PPIL6: variants seen among roughly 807,000 people sequenced by gnomAD.
PPIL6 encodes probable inactive peptidyl-prolyl cis-trans isomerase-like 6.
In PPIL6, 39 loss-of-function variants were observed where a neutral mutation model predicts 36.8. The ratio of observed to expected loss-of-function variants is 1.06; its 90% CI spans 0.82 to 1.38. The LOEUF (loss-of-function observed/expected upper bound fraction) is 1.38. PPIL6 is among the 40% of genes most tolerant of loss of function. The pLI is 0.00. For missense variants in PPIL6, 368 were observed against 379.1 expected (o/e 0.97, Z 0.24); for synonymous variants, 123 against 134.1 (o/e 0.92, Z 0.57).
Position 109,392,602 on chromosome 6 carries a change from ACCCGTGGCTG to A in PPIL6, c.*214_*223del. On this transcript the variant is annotated 3_prime_UTR_variant, in exon 8 of 8. Transcript: ENST00000521072. Reference sequence around the variant, plus strand: ...CTGGCCAGAACCATCTCTCATGGCCACCCGTGGCTGCAAAGGAGTCTAGGAAATTGAGTAC... The same window carrying A: ...CTGGCCAGAACCATCTCTCATGGCCACAAAGGAGTCTAGGAAATTGAGTAC... The A allele has an allele frequency of 6.6e-6, 3 of 456,606 alleles. No individual in the cohort carries two copies. Among genetic ancestry groups the A allele is most frequent in the Non-Finnish European group, 1.2e-5 (3 of 259,550 alleles). 28.3% of individuals were successfully genotyped at this position (456,606 alleles called of 1,614,324 possible).
At chr6:109,405,615 A>G (rs974003184) in intron 6 of PPIL6, among the ~76,000 whole-genome samples, 1 of 152,194 alleles carries the variant, frequency 6.6e-6, no homozygotes, top group African/African-American at 2.4e-5. Context: ...AGCCTTGTAC[A>G]TTATGGATTT....
rs748929282 is a variant in PPIL6, at chr6:109,436,142, C to T, written c.193G>A (p.Glu65Lys). Residue 65 changes from glutamate to lysine, a missense_variant, in exon 2 of 8, where the codon GAA (glutamate) becomes AAA (lysine). Transcript: ENST00000521072. Reference protein sequence around the residue: ...FEDPILVPLQEFAWHQYLQEK... With the variant: ...FEDPILVPLQKFAWHQYLQEK... ...TGTAGATATTGATGCCATGCAAATT[C>T]TTGAAGAGGAACTAATATAGGATCT... 1 of 1,590,354 alleles carries T rather than the reference C, an allele frequency of 6.3e-7. No individual in the cohort carries two copies. The highest frequency in any genetic ancestry group is 8.6e-7 in the Non-Finnish European group (1 of 1,158,968).
chr6:109,437,017 C>A (rs1216488997), intron 1 of PPIL6, among the ~76,000 whole-genome samples: 1 of 152,152 alleles, frequency 6.6e-6, no homozygotes, highest in Non-Finnish European at 1.5e-5. Flanking sequence ...AAGATAATAA[C>A]GTTGTGGTTA....
At chr6:109,423,047 A>C (rs1455663640) in intron 5 of PPIL6, among the ~76,000 whole-genome samples, 3 of 152,114 alleles carry the variant, frequency 2.0e-5, no homozygotes, top group African/African-American at 7.2e-5. Context: ...TGAGGTAAGA[A>C]TTTGGTATGT....
intron 1 of PPIL6, chr6:109,440,057 T>C (rs1036250030): frequency 2.7e-5 from 7 of 261,214 alleles, no homozygotes; most frequent in Admixed American, 5.8e-5. Context: ...GGTGGCGGGG[T>C]TGTAAAAATT....
chr6:109,415,959 G>A (rs1291696391), intron 6 of PPIL6, among the ~76,000 whole-genome samples: 1 of 152,088 alleles, frequency 6.6e-6, no homozygotes, highest in Non-Finnish European at 1.5e-5. Context: ...TACTGGCAAG[G>A]TACTTCCTAA....
intron 6 of PPIL6, among the ~76,000 whole-genome samples, chr6:109,406,724 A>AT (rs779829534): frequency 6.6e-6 from 1 of 152,196 alleles, no homozygotes; most frequent in Non-Finnish European, 1.5e-5. Flanking sequence ...ACTTTTCATG[A>AT]TAAATTCATT....
rs549931614 is a variant in PPIL6 at position 109,398,169 on chromosome 6, C to T, written c.824+1866G>A. The stretch of plus-strand genomic sequence containing the variant: ...CCTCCCAAAGTGCTGGGATTACAGG[C>T]GTGAGCCACCGCGTCCAGCCTTAAA... On this transcript the variant is annotated intron_variant, in intron 7 of 7. Transcript: ENST00000521072. Among the ~76,000 whole-genome samples, 167 of 152,274 alleles carry T rather than the reference C, an allele frequency of 1.1e-3. 1 individual carries two copies. Among genetic ancestry groups the T allele is most frequent in the African/African-American group, 3.9e-3 (163 of 41,550 alleles).
chr6:109,440,500 G>C lies in PPIL6; in HGVS notation c.91C>G (p.Leu31Val). 6.5e-7 allele frequency: 1 copy of C among 1,534,970 alleles called. No individual in the cohort carries two copies. The highest frequency in any genetic ancestry group is 8.8e-7 in the Non-Finnish European group (1 of 1,140,946). Reference sequence around the variant, plus strand: ...ATCTGAAAGTTGGGGCAGCTGAAGAGCCCCACCACCTTCACCTGCAGCGGC... The same window carrying C: ...ATCTGAAAGTTGGGGCAGCTGAAGACCCCCACCACCTTCACCTGCAGCGGC... Reference protein sequence around the residue: ...ERPLQVKVVGLFSCPNFQIAK... With the variant: ...ERPLQVKVVGVFSCPNFQIAK... The change falls in exon 1 of 8, where the codon CTC becomes GTC. Residue 31 changes from leucine (L) to valine (V), a missense_variant. Leu to Val is a conservative substitution (Grantham distance 32, BLOSUM62 1). Coordinates refer to ENST00000521072, the MANE Select transcript of PPIL6 (RefSeq NM_173672.5).
At chr6:109,434,467 G>A (rs1774339457) in intron 2 of PPIL6, among the ~76,000 whole-genome samples, 1 of 152,112 alleles carries the variant, frequency 6.6e-6, no homozygotes, top group South Asian at 2.1e-4. Flanking sequence ...AATACTGTCT[G>A]TCATATAATA....
intron 6 of PPIL6, chr6:109,403,182 C>T (rs910763422): frequency 1.7e-4 from 185 of 1,118,392 alleles, no homozygotes; most frequent in Non-Finnish European, 2.2e-4. Flanking sequence ...GCTAGTTGTT[C>T]AGACTAGTCT....
At chr6:109,425,537 T>C (rs1773768193) in intron 5 of PPIL6, among the ~76,000 whole-genome samples, 3 of 151,908 alleles carry the variant, frequency 2.0e-5, no homozygotes, top group African/African-American at 7.3e-5. Context: ...TCACCTGAGG[T>C]CAGGAGTTCA....
chr6:109,425,749 C>CAAAAAAAAAAAAAAAAAAAAAAAA (rs34275471), intron 5 of PPIL6, among the ~76,000 whole-genome samples: 1 of 103,702 alleles, frequency 9.6e-6, no homozygotes, highest in Non-Finnish European at 2.0e-5. Context: ...GACTCCGTTT[C>CAAAAAAAAAAAAAAAAAAAAAAAA]AAAAAAAAAA....
chr6:109,415,357 G>T (rs1299119800), intron 6 of PPIL6, among the ~76,000 whole-genome samples: 2 of 152,136 alleles, frequency 1.3e-5, no homozygotes, highest in Non-Finnish European at 2.9e-5. Context: ...AGATTGTCTA[G>T]TGTCAGTTTG....
intron 2 of PPIL6, among the ~76,000 whole-genome samples, chr6:109,431,595 GA>G (rs1249619490): frequency 2.0e-5 from 3 of 151,960 alleles, no homozygotes; most frequent in African/African-American, 7.3e-5. Flanking sequence ...TGTTACAAAT[GA>G]AAAAAAATTT....
At chr6:109,433,336 C>T (rs1242156325) in intron 2 of PPIL6, among the ~76,000 whole-genome samples, 1 of 152,144 alleles carries the variant, frequency 6.6e-6, no homozygotes. Context: ...GGATTACAGG[C>T]GTGAGCCACC....
chr6:109,433,641 C>T (rs992120392), intron 2 of PPIL6, among the ~76,000 whole-genome samples: 7 of 152,168 alleles, frequency 4.6e-5, no homozygotes, highest in African/African-American at 1.4e-4. Context: ...TAGGGTGGCA[C>T]TTCATTCTGC....
At chr6:109,394,534 A>T (rs1378099260) in intron 7 of PPIL6, among the ~76,000 whole-genome samples, 2 of 152,158 alleles carry the variant, frequency 1.3e-5, no homozygotes, top group Non-Finnish European at 2.9e-5. Flanking sequence ...GCCCTCTGTC[A>T]GTGCTTGGGC....
At chr6:109,419,497 C>T (rs1773434268) in intron 5 of PPIL6, among the ~76,000 whole-genome samples, 2 of 151,640 alleles carry the variant, frequency 1.3e-5, no homozygotes, top group Non-Finnish European at 2.9e-5. Flanking sequence ...CCGAGGCAGG[C>T]AGATCACCTG....
Sources: allele counts gnomAD v4.1 joint callset (sites outside exome capture counted in the v4.1 genomes callset), GRCh38; gene constraint gnomAD v4.1.1; transcripts MANE v1.5; gene names NCBI Gene and HGNC (gene_info 2026-07-23, HGNC 2026-07-21).